Variants in PRDM16 observed in about 807,000 individuals in gnomAD.
The protein encoded by PRDM16 is PR/SET domain 16, also known as histone-lysine N-methyltransferase PRDM16.
In PRDM16, 23 loss-of-function variants were observed where a neutral mutation model predicts 110.6. That is an observed-to-expected ratio of 0.21 (90% confidence interval 0.15 to 0.29). The LOEUF (loss-of-function observed/expected upper bound fraction) is 0.29. Ranked by LOEUF, PRDM16 falls within the 10% of genes least tolerant of loss-of-function variation. The pLI is 1.00. For synonymous variants in PRDM16, 799 were observed against 781.8 expected, an observed-to-expected ratio of 1.02 and a Z score of -0.37; for missense variants, 1,615 against 1,794.3, an observed-to-expected ratio of 0.90 and a Z score of 1.81.
intron 2 of PRDM16, among the ~76,000 whole-genome samples, chr1:3,212,806 C>T (rs1403345085): frequency 1.3e-5 from 2 of 152,220 alleles, no homozygotes; most frequent in Non-Finnish European, 2.9e-5. Context: ...CTGCCTGCTC[C>T]CTCCCTGACC....
chr1:3,193,601 G>A (rs1306944165), intron 2 of PRDM16, among the ~76,000 whole-genome samples: 1 of 152,202 alleles, frequency 6.6e-6, no homozygotes, highest in Non-Finnish European at 1.5e-5. Flanking sequence ...GGCAAGGAAG[G>A]CTCAACCCAG....
rs1643118083 is a variant in PRDM16, at chr1:3,382,492, G to A, written c.439-2660G>A. Among the ~76,000 whole-genome samples the A allele has an allele frequency of 6.6e-6, 1 of 152,222 alleles. No homozygotes were observed. Among genetic ancestry groups the A allele is most frequent in the South Asian group, 2.1e-4 (1 of 4,832 alleles). On this transcript the variant is annotated intron_variant, in intron 3 of 16. Transcript: ENST00000270722. This position sits in a 1 kb window ranked among gnomAD's most constrained non-coding sequence, Gnocchi z 6.6. ...TGCAGAAGCTGGTAACACAGAGGCT[G>A]TCTCCCTGGGAACCTGCCCTGAGTC...
chr1:3,240,407 C>CA (rs113979441), intron 2 of PRDM16, among the ~76,000 whole-genome samples: 21,155 of 105,032 alleles, frequency 0.2, 1,671 homozygotes, highest in South Asian at 0.26. Flanking sequence ...CAACCTGTTT[C>CA]AAAAAAAAAA....
intron 4 of PRDM16, among the ~76,000 whole-genome samples, chr1:3,394,836 A>C (rs1031864773): frequency 4.5e-5 from 5 of 111,310 alleles, no homozygotes; most frequent in Non-Finnish European, 7.4e-5. Flanking sequence ...ACAATGATTC[A>C]GCCACTGTGT....
At chr1:3,343,238 C>T (rs891961999) in intron 3 of PRDM16, among the ~76,000 whole-genome samples, 1 of 148,024 alleles carries the variant, frequency 6.8e-6, no homozygotes, top group Non-Finnish European at 1.5e-5. Context: ...ATGCATTTCC[C>T]AGATGAATTG....
intron 7 of PRDM16, 55 bp downstream of exon 7, chr1:3,404,941 G>C (rs1186475649): frequency 6.3e-7 from 1 of 1,577,036 alleles, no homozygotes; most frequent in East Asian, 2.2e-5. Context: ...GCTGCAGACG[G>C]GCGCCCGCCC....
At chr1:3,329,514 C>T (rs1641998885) in intron 3 of PRDM16, among the ~76,000 whole-genome samples, 1 of 152,216 alleles carries the variant, frequency 6.6e-6, no homozygotes. Flanking sequence ...CACTTAGTAA[C>T]TTAACAGGAG....
intron 2 of PRDM16, among the ~76,000 whole-genome samples, chr1:3,237,019 C>T (rs1639554521): frequency 6.6e-6 from 1 of 152,162 alleles, no homozygotes; most frequent in Admixed American, 6.5e-5. Flanking sequence ...ATGGAGCCCA[C>T]TGCGGGGCCC....
At chr1:3,306,806 C>T (rs1641325342) in intron 3 of PRDM16, 1 of 152,164 alleles carries the variant, frequency 6.6e-6, no homozygotes, top group Non-Finnish European at 1.5e-5. Flanking sequence ...AAACCACACA[C>T]CTATTAGTAC....
chr1:3,108,553 G>A (rs180896956), intron 1 of PRDM16, among the ~76,000 whole-genome samples: 2 of 152,338 alleles, frequency 1.3e-5, no homozygotes, highest in Non-Finnish European at 2.9e-5. Flanking sequence ...ATGCTACAGT[G>A]CCTGACACAG....
At position 3,080,269 on chromosome 1, in the gene PRDM16, C is replaced by T. The variant is rs554872422; in HGVS notation, c.37+10973C>T. Among the ~76,000 whole-genome samples, 11 of 152,268 alleles carry T rather than the reference C, an allele frequency of 7.2e-5. No homozygotes were observed. Among genetic ancestry groups the T allele is most frequent in the Middle Eastern group, 3.4e-3 (1 of 294 alleles). On this transcript the variant is annotated intron_variant, in intron 1 of 16. Transcript: ENST00000270722. This position sits in a 1 kb window ranked among gnomAD's most constrained non-coding sequence, Gnocchi z 5.2. ...AAAATATTAAATTGCAATAACACGC[C>T]GTGCGAGTGCCTCTCTGAATGGGGT... is the stretch of plus-strand genomic sequence containing the variant.
chr1:3,176,298 CTGT>C (rs1644088581), intron 1 of PRDM16, among the ~76,000 whole-genome samples: 2 of 139,774 alleles, frequency 1.4e-5, no homozygotes, highest in Admixed American at 7.1e-5. Context: ...ATCTATCCAT[CTGT>C]CCATACATCC....
intron 1 of PRDM16, among the ~76,000 whole-genome samples, chr1:3,174,609 C>T (rs1018357083): frequency 6.6e-6 from 1 of 152,094 alleles, no homozygotes; most frequent in Non-Finnish European, 1.5e-5. Context: ...GCGACAAAGG[C>T]GAGTGTGTGT....
At chr1:3,426,540 A>T (rs1450560978) in intron 14 of PRDM16, among the ~76,000 whole-genome samples, 2 of 152,200 alleles carry the variant, frequency 1.3e-5, no homozygotes, top group African/African-American at 2.4e-5. Flanking sequence ...TGTGCCGCTG[A>T]CACTCAAGGA....
intron 1 of PRDM16, among the ~76,000 whole-genome samples, chr1:3,181,046 GCA>G (rs1644153860): frequency 7.0e-6 from 1 of 142,884 alleles, no homozygotes; most frequent in African/African-American, 2.7e-5. Context: ...TCTTACACAC[GCA>G]GTCTTACACG....
Position 3,438,572 on chromosome 1 carries a change from A to G in PRDM16, c.*4761A>G, listed in dbSNP as rs190986054. 1.5e-3 allele frequency: 282 copies of G among 194,358 alleles called. No individual in the cohort carries two copies. The highest frequency in any genetic ancestry group is 2.2e-3 in the Non-Finnish European group (205 of 93,274). The allele number at this position is 194,358 out of a possible 1,614,324, so 12.0% of individuals were successfully genotyped here. ...CAAATGTAATCTTTCCAATGCTCCAATGAATTTATACATGAGATTGATATG... is the reference window on the plus strand; with the variant it reads ...CAAATGTAATCTTTCCAATGCTCCAGTGAATTTATACATGAGATTGATATG... On this transcript the variant is annotated 3_prime_UTR_variant, in exon 17 of 17. Coordinates refer to ENST00000270722, the MANE Select transcript of PRDM16 (RefSeq NM_022114.4).
At chr1:3,109,902 A>C (rs1000581245) in intron 1 of PRDM16, among the ~76,000 whole-genome samples, 1 of 152,262 alleles carries the variant, frequency 6.6e-6, no homozygotes, top group Non-Finnish European at 1.5e-5. Flanking sequence ...AGACACAGAC[A>C]GCAGCTCCTC....
intron 3 of PRDM16, among the ~76,000 whole-genome samples, chr1:3,320,111 G>A (rs116137449): frequency 1.3e-5 from 2 of 152,192 alleles, no homozygotes; most frequent in African/African-American, 2.4e-5. Flanking sequence ...GAACCGGGCA[G>A]GGTGTACACC....
At position 3,420,744 on chromosome 1, in the gene PRDM16, T is replaced by C. The variant is rs12033468; in HGVS notation, c.2939+2000T>C. Among the ~76,000 whole-genome samples, 123 of 37,394 alleles carry C rather than the reference T, an allele frequency of 3.3e-3. 1 individual carries two copies. In the East Asian group the frequency reaches 0.4, roughly 123 times the overall value. The allele number at this position is 37,394 out of a possible 152,430, so 24.5% of individuals were successfully genotyped here. ...TGAGATTGAGTTAATGGCAGTCTTA[T>C]TTCTTAAAAAAAAAGTTAAGCATAT... On this transcript the variant is annotated intron_variant, in intron 12 of 16. Coordinates refer to ENST00000270722, the MANE Select transcript of PRDM16 (RefSeq NM_022114.4).
Sources: gnomAD v4.1 joint callset for allele counts (sites outside exome capture counted in the v4.1 genomes callset) on GRCh38, gnomAD v4.1.1 for gene constraint, Gnocchi (gnomAD v3.1) non-coding constraint, MANE v1.5 for transcripts, NCBI Gene and HGNC (gene_info 2026-07-23, HGNC 2026-07-21) for gene names.